The following USP32 variants were observed in gnomAD, a reference collection of about 807,000 sequenced individuals.
The protein encoded by USP32 is ubiquitin specific peptidase 32.
A neutral mutation model predicts 204.8 loss-of-function variants in USP32; 59 were observed. That is an observed-to-expected ratio of 0.29 (90% CI 0.23 to 0.36). The LOEUF is 0.36. USP32 is among the 10% of genes least tolerant of loss of function. The pLI, the probability that USP32 is intolerant of heterozygous loss-of-function variation, is 1.00. For synonymous variants in USP32, 517 were observed against 678.4 expected (o/e 0.76, Z 3.70); for missense variants, 1,160 against 1,946.4 (o/e 0.60, Z 7.60).
intron 20 of USP32, 57 bp from the exon 21 acceptor site, chr17:60,211,175 G>A: frequency 6.3e-7 from 1 of 1,588,882 alleles, no homozygotes; most frequent in East Asian, 2.2e-5. Context: ...ACAATCATGT[G>A]GGCGCAAAAA....
chr17:60,203,477 C>T (rs1157260528), intron 26 of USP32, among the ~76,000 whole-genome samples: 2 of 151,216 alleles, frequency 1.3e-5, no homozygotes, highest in Non-Finnish European at 2.9e-5. Flanking sequence ...TTATAACAGT[C>T]CTAAGAAACC....
chr17:60,409,079 G>A (rs1466736937), intron 1 of USP32, among the ~76,000 whole-genome samples: 1 of 152,214 alleles, frequency 6.6e-6, no homozygotes, highest in African/African-American at 2.4e-5. Context: ...CGGGCACAGT[G>A]GCTCATGCCT....
At chr17:60,282,095 G>C (rs956101933) in intron 5 of USP32, among the ~76,000 whole-genome samples, 1 of 152,148 alleles carries the variant, frequency 6.6e-6, no homozygotes, top group Non-Finnish European at 1.5e-5. Flanking sequence ...TATTTCTTCA[G>C]GCTTTTACCA....
chr17:60,355,048 A>T (rs895688538), intron 1 of USP32, among the ~76,000 whole-genome samples: 25 of 152,238 alleles, frequency 1.6e-4, no homozygotes, highest in Admixed American at 1.4e-3. Context: ...TGCCTCAAAA[A>T]CAAAAACATA....
chr17:60,306,385 C>G (rs1567842629), intron 2 of USP32, among the ~76,000 whole-genome samples: 1 of 152,164 alleles, frequency 6.6e-6, no homozygotes, highest in Non-Finnish European at 1.5e-5. Flanking sequence ...TGCCTGTAAT[C>G]CCAGCACTTT....
Position 60,190,453 on chromosome 17 carries a change from G to T in USP32, c.3642+110C>A, listed in dbSNP as rs546342217. 40 of 1,406,030 alleles carry T rather than the reference G, an allele frequency of 2.8e-5. 1 individual carries two copies. The Admixed American group carries it at 7.4e-4, about 26-fold the overall frequency. 87.1% of individuals were successfully genotyped at this position (1,406,030 alleles called of 1,614,324 possible). On this transcript the variant is annotated intron_variant, in intron 29 of 33. Coordinates refer to ENST00000300896, the MANE Select transcript of USP32 (RefSeq NM_032582.4). ...AGGTGCCATAGAGGATGCCAATGAA[G>T]GTTTTTCTGGTTGTTTTTAAATTGT... is the stretch of plus-strand genomic sequence containing the variant.
At chr17:60,285,513 T>C (rs1340687502) in intron 5 of USP32, among the ~76,000 whole-genome samples, 1 of 152,168 alleles carries the variant, frequency 6.6e-6, no homozygotes, top group African/African-American at 2.4e-5. Flanking sequence ...CAACAAATAC[T>C]TATTCAGGCT....
chr17:60,215,798 A>G lies in USP32; in HGVS notation c.1868-1024T>C, dbSNP rs2627878. Among the ~76,000 whole-genome samples, 161 of 152,074 alleles carry G rather than the reference A, an allele frequency of 1.1e-3. 3 individuals carry two copies. In the South Asian group the frequency reaches 0.017, roughly 16 times the overall value. On this transcript the variant is annotated intron_variant, in intron 16 of 33. Coordinates refer to ENST00000300896, the MANE Select transcript of USP32 (RefSeq NM_032582.4). ...AGATAAGGTCTCATTCTGTTGCTCAAGCTGTAGTGCGGTGCGGCAATCATG... is the reference window on the plus strand; with the variant it reads ...AGATAAGGTCTCATTCTGTTGCTCAGGCTGTAGTGCGGTGCGGCAATCATG...
At chr17:60,198,036 G>A (rs746105076) in intron 27 of USP32, among the ~76,000 whole-genome samples, 14 of 152,200 alleles carry the variant, frequency 9.2e-5, no homozygotes, top group Non-Finnish European at 1.3e-4. Flanking sequence ...AAAGATTAGA[G>A]AATGGAAGGA....
chr17:60,349,597 ATATATATATATATAT>A (rs1453084162), intron 1 of USP32, among the ~76,000 whole-genome samples: 2 of 38,554 alleles, frequency 5.2e-5, no homozygotes, highest in Non-Finnish European at 9.0e-5. Context: ...AAAAAAAAAA[ATATATATATATATAT>A]ATATATATAT....
intron 1 of USP32, among the ~76,000 whole-genome samples, chr17:60,380,879 T>C (rs1289185601): frequency 6.6e-6 from 1 of 152,204 alleles, no homozygotes; most frequent in Non-Finnish European, 1.5e-5. Context: ...TGTCCTTGCA[T>C]ATAAGGCTGT....
At chr17:60,252,613 T>C (rs1266498312) in intron 10 of USP32, among the ~76,000 whole-genome samples, 171 bp from the exon 11 acceptor site, 1 of 152,182 alleles carries the variant, frequency 6.6e-6, no homozygotes, top group African/African-American at 2.4e-5. Flanking sequence ...TTTGGGGTTT[T>C]GTTTGCTTTT....
At chr17:60,421,849 C>G (rs2090120572) in intron 1 of USP32, 4 of 985,256 alleles carry the variant, frequency 4.1e-6, no homozygotes, top group Non-Finnish European at 3.6e-6. Flanking sequence ...CTGGTGGCTG[C>G]GCACACGAGG....
At chr17:60,184,582 G>A (rs1292849170) in intron 30 of USP32, among the ~76,000 whole-genome samples, 4 of 152,040 alleles carry the variant, frequency 2.6e-5, no homozygotes, top group Non-Finnish European at 5.9e-5. Flanking sequence ...GCCAAGGTGG[G>A]CAGATCACCT....
chr17:60,392,490 C>A, upstream of USP32: 1 of 255,468 alleles, frequency 3.9e-6, no homozygotes, highest in South Asian at 2.9e-5. Flanking sequence ...ACCCCCCCCG[C>A]CCCCGCGCCC....
chr17:60,421,257 A>G (rs768996857), intron 1 of USP32: 24 of 679,642 alleles, frequency 3.5e-5, no homozygotes, highest in Non-Finnish European at 4.2e-5. Context: ...AACAACAACA[A>G]CGACAACAAT....
intron 2 of USP32, among the ~76,000 whole-genome samples, chr17:60,302,203 T>C (rs1233056121): frequency 6.6e-6 from 1 of 152,110 alleles, no homozygotes; most frequent in African/African-American, 2.4e-5. Flanking sequence ...TGGCGTCATC[T>C]TGGCTCACTG....
At chr17:60,322,329 T>G (rs901533846) in intron 2 of USP32, among the ~76,000 whole-genome samples, 9 of 152,204 alleles carry the variant, frequency 5.9e-5, no homozygotes, top group Non-Finnish European at 1.3e-4. Flanking sequence ...CATATTTAAG[T>G]GTTTAAGATA....
chr17:60,309,177 A>G (rs915338354), intron 2 of USP32, among the ~76,000 whole-genome samples: 41 of 152,248 alleles, frequency 2.7e-4, no homozygotes, highest in Non-Finnish European at 4.4e-5. Context: ...AGCAAAGGCA[A>G]CAATCAATAA....
Sources: allele counts gnomAD v4.1 joint callset (sites outside exome capture counted in the v4.1 genomes callset), GRCh38; gene constraint gnomAD v4.1.1; transcripts MANE v1.5; gene names NCBI Gene and HGNC (gene_info 2026-07-23, HGNC 2026-07-21).